Variants in STK24 observed in about 807,000 individuals in gnomAD.
STK24 encodes serine/threonine kinase 24.
In STK24, 21 loss-of-function variants were observed where a neutral mutation model predicts 55.6. The observed-to-expected ratio is 0.38, with a 90% CI of 0.27 to 0.54. The LOEUF (loss-of-function observed/expected upper bound fraction) is 0.54. Among genes scored for constraint, STK24 ranks in the 20% least tolerant of loss-of-function variants. STK24 has a pLI of 0.79. For synonymous variants in STK24, 200 were observed against 215.2 expected (o/e 0.93, Z 0.62); for missense variants, 383 against 538.4 (o/e 0.71, Z 2.86).
chr13:98,446,990 G>A lies in STK24; in HGVS notation c.*6183C>T. On this transcript the variant is annotated 3_prime_UTR_variant, in exon 11 of 11. Coordinates refer to ENST00000539966, the MANE Select transcript of STK24 (RefSeq NM_001032296.4). ...AGCAGGCGATTCTGTTCTCATGGCAGAAAGTGGGGTCCCAACTTCCCTGCG... is the reference window on the plus strand; with the variant it reads ...AGCAGGCGATTCTGTTCTCATGGCAAAAAGTGGGGTCCCAACTTCCCTGCG... 6.1e-6 allele frequency: 4 copies of A among 657,954 alleles called. No homozygotes were observed. The highest frequency in any genetic ancestry group is 7.7e-6 in the Non-Finnish European group (3 of 389,474). 40.8% of individuals were successfully genotyped at this position (657,954 alleles called of 1,614,324 possible).
At chr13:98,516,409 A>C (rs1294140164) in intron 2 of STK24, among the ~76,000 whole-genome samples, 1 of 152,234 alleles carries the variant, frequency 6.6e-6, no homozygotes, top group East Asian at 1.9e-4. Flanking sequence ...GCACCTGAAG[A>C]CCACTCCCTG....
intron 1 of STK24, among the ~76,000 whole-genome samples, chr13:98,555,031 A>AAAG (rs1555312202): frequency 0.089 from 12,497 of 140,208 alleles, 526 homozygotes; most frequent in African/African-American, 0.11. Flanking sequence ...AAAAAAAAAA[A>AAAG]AAAGAAAGAA....
At chr13:98,536,984 C>A (rs1257022273) in intron 1 of STK24, among the ~76,000 whole-genome samples, 3 of 152,204 alleles carry the variant, frequency 2.0e-5, no homozygotes, top group Non-Finnish European at 4.4e-5. Flanking sequence ...CCGCCCCTCC[C>A]GGCTCATCTC....
intron 9 of STK24, 123 bp downstream of exon 9, chr13:98,460,249 T>G: frequency 1.1e-6 from 1 of 926,800 alleles, no homozygotes; most frequent in South Asian, 1.5e-5. Context: ...ATGCAGGCTT[T>G]CCGAGCCTTT....
At position 98,521,681 on chromosome 13, in the gene STK24, G is replaced by A; in HGVS notation, c.43-2208C>T. 5 of 708,216 alleles carry A rather than the reference G, an allele frequency of 7.1e-6. 1 individual carries two copies. In the South Asian group the frequency reaches 7.8e-5, roughly 11 times the overall value. 43.9% of individuals were successfully genotyped at this position (708,216 alleles called of 1,614,324 possible). On this transcript the variant is annotated intron_variant, in intron 1 of 10. Transcript: ENST00000539966. Reference sequence around the variant, plus strand: ...GCTAGGATGAGCAGCTTTCGGGGATGCGGGGGAAGCAGCGCATCCTTTTTT... The same window carrying A: ...GCTAGGATGAGCAGCTTTCGGGGATACGGGGGAAGCAGCGCATCCTTTTTT...
chr13:98,570,698 T>G (rs1360521582), intron 1 of STK24, among the ~76,000 whole-genome samples: 1 of 152,190 alleles, frequency 6.6e-6, no homozygotes, highest in Non-Finnish European at 1.5e-5. Context: ...AGCAAAGGCA[T>G]ATCTCAGTTT....
At chr13:98,472,480 T>C (rs1269824314) in intron 5 of STK24, among the ~76,000 whole-genome samples, 1 of 152,220 alleles carries the variant, frequency 6.6e-6, no homozygotes, top group African/African-American at 2.4e-5. Flanking sequence ...CACATGGCCC[T>C]GTCTCCTTTT....
Position 98,472,954 on chromosome 13 carries a change from C to T in STK24, c.597+1867G>A, listed in dbSNP as rs560102954. Among the ~76,000 whole-genome samples the T allele has an allele frequency of 1.1e-4, 16 of 152,046 alleles. No homozygotes were observed. In the South Asian group the frequency reaches 1.7e-3, roughly 16 times the overall value. On this transcript the variant is annotated intron_variant, in intron 5 of 10. Transcript: ENST00000539966. ...TGCCAGGGCCCAACCCTGAAATGGC[C>T]GCACACTGAGGTGCCCATGCCTTCT...
At chr13:98,567,358 A>G (rs983343042) in intron 1 of STK24, among the ~76,000 whole-genome samples, 3 of 152,218 alleles carry the variant, frequency 2.0e-5, no homozygotes, top group African/African-American at 7.2e-5. Flanking sequence ...ACATACGACC[A>G]GACTGATGCC....
chr13:98,469,928 G>A (rs1236749524), intron 5 of STK24, among the ~76,000 whole-genome samples: 6 of 152,136 alleles, frequency 3.9e-5, no homozygotes, highest in Non-Finnish European at 7.4e-5. Context: ...TCGATTCCTA[G>A]GCATCTCTAC....
intron 3 of STK24, among the ~76,000 whole-genome samples, chr13:98,478,185 AT>A (rs1372817538): frequency 6.6e-6 from 1 of 152,154 alleles, no homozygotes; most frequent in Non-Finnish European, 1.5e-5. Context: ...CATGCTCTCC[AT>A]CATTCAGGCA....
In STK24 at chr13:98,446,383, CATT is replaced by C. The variant is rs1892836375; in HGVS notation, c.*6787_*6789del. On this transcript the variant is annotated 3_prime_UTR_variant, in exon 11 of 11. Transcript: ENST00000539966. ...GGCCCTCAACTCTAGGGAAGACTGA[CATT>C]ATCATCCACTGAAGGACAACTTCTG... The C allele has an allele frequency of 1.7e-6, 1 of 602,206 alleles. No individual in the cohort carries two copies. 37.3% of individuals were successfully genotyped at this position (602,206 alleles called of 1,614,324 possible). A position where few individuals can be genotyped will look rare whatever the true frequency, so the allele number is the denominator to read the frequency against.
Position 98,446,646 on chromosome 13 carries a change from G to C in STK24, c.*6527C>G. The C allele has an allele frequency of 6.2e-7, 1 of 1,612,938 alleles. No homozygotes were observed. Among genetic ancestry groups the C allele is most frequent in the South Asian group, 1.1e-5 (1 of 91,020 alleles). On this transcript the variant is annotated 3_prime_UTR_variant, in exon 11 of 11. Transcript: ENST00000539966. ...GAAGCTGACCCCGAAAAGCCACTTT[G>C]CTTTGTTTCCCCTTTCCAGGACAAT...
At chr13:98,453,614 T>C (rs879754342) in intron 10 of STK24, 5 of 166,284 alleles carry the variant, frequency 3.0e-5, no homozygotes, top group Admixed American at 6.2e-5. Flanking sequence ...AAAATAGTGA[T>C]GCAGTCCAAG....
intron 2 of STK24, among the ~76,000 whole-genome samples, chr13:98,500,243 G>A (rs998709539): frequency 6.6e-6 from 1 of 152,154 alleles, no homozygotes; most frequent in Non-Finnish European, 1.5e-5. Context: ...TTCAACCACA[G>A]CAAATGAGCA....
At position 98,461,697 on chromosome 13, in the gene STK24, G is replaced by A. The variant is rs573666499; in HGVS notation, c.1053+77C>T. On this transcript the variant is annotated intron_variant, in intron 8 of 10. Transcript: ENST00000539966. ...ACAAAGGACCCCAGCCGCACCCACA[G>A]CAAGCTTCACACACAAGTGCCTCCA... 18 of 1,582,036 alleles carry A rather than the reference G, an allele frequency of 1.1e-5. No individual in the cohort carries two copies. In the African/African-American group the frequency reaches 1.7e-4, roughly 15 times the overall value.
intron 7 of STK24, among the ~76,000 whole-genome samples, chr13:98,462,230 C>T (rs1325689407): frequency 6.6e-6 from 1 of 152,184 alleles, no homozygotes; most frequent in East Asian, 1.9e-4. Context: ...TGGGCTCCTC[C>T]TCTCACCAGG....
chr13:98,457,829 G>A lies in STK24; in HGVS notation c.1123-525C>T, dbSNP rs149313158. ...CTGAGAGCAGTTATGTATACACAGG[G>A]CAATCATCAGACCATAATCATTACT... is the stretch of plus-strand genomic sequence containing the variant. On this transcript the variant is annotated intron_variant, in intron 9 of 10. Transcript: ENST00000539966. Among the ~76,000 whole-genome samples, 3 of 152,300 alleles carry A rather than the reference G, an allele frequency of 2.0e-5. No individual in the cohort carries two copies. In the East Asian group the frequency reaches 5.8e-4, roughly 29 times the overall value.
intron 2 of STK24, among the ~76,000 whole-genome samples, chr13:98,496,249 A>G (rs1320948607): frequency 6.6e-6 from 1 of 152,254 alleles, no homozygotes; most frequent in Non-Finnish European, 1.5e-5. Context: ...TGGAATAAAC[A>G]AGTCAGATTT....
Sources: gnomAD v4.1 joint callset for allele counts (sites outside exome capture counted in the v4.1 genomes callset) on GRCh38, gnomAD v4.1.1 for gene constraint, MANE v1.5 for transcripts, NCBI Gene and HGNC (gene_info 2026-07-23, HGNC 2026-07-21) for gene names.